RNLS: variants seen among roughly 807,000 people sequenced by gnomAD.
RNLS encodes the protein renalase, FAD dependent amine oxidase, also known as renalase.
A neutral mutation model predicts 39.8 loss-of-function variants in RNLS; 39 were observed. The ratio of observed to expected loss-of-function variants is 0.98; its 90% confidence interval spans 0.76 to 1.28. RNLS has a LOEUF of 1.28. Ranked by LOEUF, RNLS falls within the 50% of genes most tolerant of loss-of-function variation. The probability of loss-of-function intolerance (pLI) is 0.00; values close to 1 mark genes in which losing one functional copy is unlikely to be tolerated. For synonymous variants in RNLS, 147 were observed against 150.7 expected, an observed-to-expected ratio of 0.98 and a Z score of 0.18; for missense variants, 410 against 413.3, an observed-to-expected ratio of 0.99 and a Z score of 0.07.
chr10:88,391,211 A>G (rs1852177245), intron 4 of RNLS, among the ~76,000 whole-genome samples: 1 of 152,202 alleles, frequency 6.6e-6, no homozygotes, highest in Non-Finnish European at 1.5e-5. Context: ...TTATTATGAT[A>G]TTCCTTTCTT....
chr10:88,428,972 G>A (rs1854981434), intron 4 of RNLS, among the ~76,000 whole-genome samples: 1 of 151,864 alleles, frequency 6.6e-6, no homozygotes, highest in African/African-American at 2.4e-5. Flanking sequence ...TAGCCATGGT[G>A]AGTTTGAAAG....
At chr10:88,221,809 T>C in the RNLS span, among the ~76,000 whole-genome samples, 2 of 152,172 alleles carry the variant, frequency 1.3e-5, no homozygotes, top group Non-Finnish European at 2.9e-5. Context: ...ACTAATCAAT[T>C]GTGGCACTTT....
rs780081578 is a variant in RNLS at position 88,314,470 on chromosome 10, G to A, written c.872C>T (p.Ser291Leu). Reference protein sequence around the residue: ...IATKCQKWRHSQVTNAAANCP... With the variant: ...IATKCQKWRHLQVTNAAANCP... ...ACCACTGGATTCTTTGATTACCTGTGAATGTCTCCATTTTTGGCATTTGGT... is the reference window on the plus strand; with the variant it reads ...ACCACTGGATTCTTTGATTACCTGTAAATGTCTCCATTTTTGGCATTTGGT... Residue 291 changes from serine to leucine, a missense_variant, in exon 6 of 7, where the codon TCA (serine) becomes TTA (leucine). By Grantham distance (145) the Ser-to-Leu change is moderately radical (BLOSUM62 -2). Transcript: ENST00000331772. The A allele has an allele frequency of 4.3e-6, 7 of 1,613,722 alleles. No individual in the cohort carries two copies. The South Asian group carries it at 7.7e-5, about 18-fold the overall frequency.
chr10:88,478,826 A>C (rs974351220), intron 4 of RNLS, among the ~76,000 whole-genome samples: 1 of 151,830 alleles, frequency 6.6e-6, no homozygotes, highest in Admixed American at 6.6e-5. Context: ...CATAGCCTTA[A>C]CTAATTTACC....
chr10:88,180,037 G>A, the RNLS span, among the ~76,000 whole-genome samples: 2 of 152,224 alleles, frequency 1.3e-5, no homozygotes, highest in African/African-American at 4.8e-5. Flanking sequence ...GTTGTATACA[G>A]TATGTTCTTA....
chr10:88,568,408 T>C (rs1849638229), intron 4 of RNLS, among the ~76,000 whole-genome samples: 1 of 152,106 alleles, frequency 6.6e-6, no homozygotes, highest in Admixed American at 6.6e-5. Flanking sequence ...ACATTGATAA[T>C]GGTTGCCTAT....
At chr10:88,362,489 C>A in intron 5 of RNLS, 63 bp downstream of exon 5, 1 of 1,451,706 alleles carries the variant, frequency 6.9e-7, no homozygotes, top group South Asian at 1.3e-5. Flanking sequence ...AATTAAACAG[C>A]ATTTTTCATG....
intron 4 of RNLS, among the ~76,000 whole-genome samples, chr10:88,543,742 G>C (rs1848161117): frequency 6.6e-6 from 1 of 152,116 alleles, no homozygotes; most frequent in South Asian, 2.1e-4. Flanking sequence ...GCATTAAAAT[G>C]ACAACAGAGG....
chr10:88,462,349 G>T (rs1454408570), intron 4 of RNLS, among the ~76,000 whole-genome samples: 1 of 151,944 alleles, frequency 6.6e-6, no homozygotes, highest in Non-Finnish European at 1.5e-5. Context: ...TATCCTTTGT[G>T]TTACAAACAA....
intron 4 of RNLS, among the ~76,000 whole-genome samples, chr10:88,423,160 A>AT (rs1188167322): frequency 6.6e-5 from 10 of 152,346 alleles, no homozygotes; most frequent in Non-Finnish European, 1.2e-4. Flanking sequence ...TATTCTCTTC[A>AT]TGCTTCCAAA....
rs554486080 is a variant in RNLS, at chr10:88,439,998, A to G, written c.527-77273T>C. Among the ~76,000 whole-genome samples the G allele has an allele frequency of 7.9e-5, 12 of 152,316 alleles. No individual in the cohort carries two copies. In the East Asian group the frequency reaches 2.1e-3, roughly 27 times the overall value. Reference sequence around the variant, plus strand: ...TTGATTCCTTCATGAACTGCTTGTTATATCACTGTGTGCATATCTGTCACT... The same window carrying G: ...TTGATTCCTTCATGAACTGCTTGTTGTATCACTGTGTGCATATCTGTCACT... On this transcript the variant is annotated intron_variant, in intron 4 of 6. Transcript: ENST00000331772.
At chr10:88,463,253 T>A (rs1397441328) in intron 4 of RNLS, among the ~76,000 whole-genome samples, 1 of 152,030 alleles carries the variant, frequency 6.6e-6, no homozygotes, top group Admixed American at 6.6e-5. Context: ...ATAACTGGAC[T>A]GGACATTTTG....
At chr10:88,448,146 A>G (rs955040913) in intron 4 of RNLS, among the ~76,000 whole-genome samples, 7 of 152,216 alleles carry the variant, frequency 4.6e-5, no homozygotes, top group African/African-American at 1.2e-4. Flanking sequence ...ACAAAAGCCA[A>G]AATTGACAAA....
At chr10:88,203,436 ACG>A in the RNLS span, among the ~76,000 whole-genome samples, 17 of 9,380 alleles carry the variant, frequency 1.8e-3, 1 homozygote, top group South Asian at 2.8e-3. Flanking sequence ...ATATATATAT[ACG>A]TGTGTGTGTG....
chr10:88,320,978 C>T (rs577369752), intron 5 of RNLS, among the ~76,000 whole-genome samples: 2 of 151,220 alleles, frequency 1.3e-5, no homozygotes, highest in African/African-American at 4.9e-5. Context: ...ACACTGCATC[C>T]AACAACCACA....
rs536302589 is a variant in RNLS at position 88,401,869 on chromosome 10, AGT to A, written c.527-39146_527-39145del. On this transcript the variant is annotated intron_variant, in intron 4 of 6. Transcript: ENST00000331772. ...CCTAATCCAACTATGGGTAGTGCAC[AGT>A]GTCTGTGACTCATTAAGGTCTTATG... 1.3e-4 allele frequency among the ~76,000 whole-genome samples: 20 copies of A among 152,118 alleles called. 2 individuals carry two copies. The highest frequency in any genetic ancestry group is 4.3e-4 in the African/African-American group (18 of 41,534).
At chr10:88,329,948 T>C (rs1214335444) in intron 5 of RNLS, among the ~76,000 whole-genome samples, 1 of 151,530 alleles carries the variant, frequency 6.6e-6, no homozygotes, top group Non-Finnish European at 1.5e-5. Context: ...ATAGTTATTC[T>C]ATATTGTGTG....
chr10:88,474,375 G>GT (rs200695755), intron 4 of RNLS, among the ~76,000 whole-genome samples: 2 of 152,112 alleles, frequency 1.3e-5, no homozygotes, highest in East Asian at 3.9e-4. Flanking sequence ...GTTGCGTGAG[G>GT]TATTTCTCAG....
intron 4 of RNLS, among the ~76,000 whole-genome samples, chr10:88,399,257 G>C (rs1305179697): frequency 6.6e-6 from 1 of 151,976 alleles, no homozygotes; most frequent in African/African-American, 2.4e-5. Context: ...ATATAACTTA[G>C]TGATTTCACT....
Sources: gnomAD v4.1 joint callset for allele counts (sites outside exome capture counted in the v4.1 genomes callset) on GRCh38, gnomAD v4.1.1 for gene constraint, MANE v1.5 for transcripts, NCBI Gene and HGNC (gene_info 2026-07-23, HGNC 2026-07-21) for gene names.